EYA4: variants seen among roughly 807,000 people sequenced by gnomAD.
EYA4 encodes the protein EYA transcriptional coactivator and phosphatase 4.
In EYA4, 31 loss-of-function variants were observed where a neutral mutation model predicts 87.9. That is an observed-to-expected ratio of 0.35 (90% confidence interval 0.27 to 0.48). The LOEUF is 0.48. Ranked by LOEUF, EYA4 falls within the 20% of genes least tolerant of loss-of-function variation. The pLI is 0.99. For synonymous variants in EYA4, 263 were observed against 270.6 expected (o/e 0.97, Z 0.28); for missense variants, 678 against 761.4 (o/e 0.89, Z 1.29).
At chr6:133,480,800 T>C (rs1019892072) in intron 11 of EYA4, among the ~76,000 whole-genome samples, 1 of 152,174 alleles carries the variant, frequency 6.6e-6, no homozygotes, top group African/African-American at 2.4e-5. Flanking sequence ...TCACATGGTA[T>C]TTCTGTCATA....
chr6:133,348,526 A>G (rs1015383099), intron 2 of EYA4, among the ~76,000 whole-genome samples: 2 of 151,968 alleles, frequency 1.3e-5, no homozygotes, highest in African/African-American at 4.8e-5. Context: ...CGGCCTCCCA[A>G]AGTGCTGGGA....
chr6:133,312,406 A>G (rs1005840807), intron 2 of EYA4, among the ~76,000 whole-genome samples: 4 of 152,050 alleles, frequency 2.6e-5, no homozygotes, highest in African/African-American at 9.7e-5. Flanking sequence ...ACACACACAC[A>G]CACAGAGATA....
intron 2 of EYA4, among the ~76,000 whole-genome samples, chr6:133,277,535 C>T (rs1039299435): frequency 5.9e-5 from 9 of 152,214 alleles, no homozygotes; most frequent in Non-Finnish European, 1.2e-4. Context: ...GCATATGCCT[C>T]ACTTAGAGTA....
intron 2 of EYA4, among the ~76,000 whole-genome samples, chr6:133,279,172 G>T (rs1022971930): frequency 2.0e-5 from 3 of 151,970 alleles, no homozygotes; most frequent in Non-Finnish European, 4.4e-5. Context: ...GGTTTGAAAA[G>T]AAATATATTT....
intron 13 of EYA4, among the ~76,000 whole-genome samples, chr6:133,503,128 C>CT (rs1260788977): frequency 1.3e-5 from 2 of 152,034 alleles, no homozygotes; most frequent in African/African-American, 2.4e-5. Flanking sequence ...TTGCATTTTG[C>CT]TTTTTTTAAA....
At chr6:133,511,979 TAA>T (rs11355023) in intron 14 of EYA4, among the ~76,000 whole-genome samples, 1 of 142,554 alleles carries the variant, frequency 7.0e-6, no homozygotes, top group Non-Finnish European at 1.5e-5. Context: ...AGATTCCATA[TAA>T]AAAAAAAAAA....
chr6:133,305,556 G>A (rs997927808), intron 2 of EYA4, among the ~76,000 whole-genome samples: 1 of 152,166 alleles, frequency 6.6e-6, no homozygotes, highest in Non-Finnish European at 1.5e-5. Flanking sequence ...AGCAAACAGG[G>A]TTTAATTCTT....
chr6:133,326,283 A>G (rs1466324227), intron 2 of EYA4, among the ~76,000 whole-genome samples: 1 of 152,182 alleles, frequency 6.6e-6, no homozygotes, highest in Non-Finnish European at 1.5e-5. Context: ...GGAGATAGAT[A>G]GATAGTTTGA....
chr6:133,257,932 C>A (rs1049425856), intron 1 of EYA4, among the ~76,000 whole-genome samples: 7 of 152,118 alleles, frequency 4.6e-5, no homozygotes, highest in Non-Finnish European at 8.8e-5. Flanking sequence ...TTAAAAGAAT[C>A]GGTGTTTTTG....
chr6:133,407,496 T>C (rs543572740), intron 3 of EYA4, among the ~76,000 whole-genome samples: 1 of 152,184 alleles, frequency 6.6e-6, no homozygotes, highest in South Asian at 2.1e-4. Context: ...CCCCAGTAGC[T>C]TCACCTTACA....
chr6:133,244,007 A>G (rs1031162348), intron 1 of EYA4, among the ~76,000 whole-genome samples: 1 of 152,162 alleles, frequency 6.6e-6, no homozygotes, highest in Admixed American at 6.5e-5. Flanking sequence ...TCAAAGTTAA[A>G]CCCGTATTTA....
chr6:133,278,487 C>T (rs1362124107), intron 2 of EYA4, among the ~76,000 whole-genome samples: 2 of 152,138 alleles, frequency 1.3e-5, no homozygotes, highest in African/African-American at 4.8e-5. Flanking sequence ...CTTCTTAGCA[C>T]GATTCTTGCC....
chr6:133,252,942 AACACACACACACACAC>A (rs3836960), intron 1 of EYA4, among the ~76,000 whole-genome samples: 1,781 of 138,744 alleles, frequency 0.013, 28 homozygotes, highest in African/African-American at 0.033. Context: ...GGTACTTGAA[AACACACACACACACAC>A]ACACACACAC....
In EYA4 at chr6:133,468,693, A is replaced by G; in HGVS notation, c.932A>G (p.Gln311Arg). 6.2e-7 allele frequency: 1 copy of G among 1,613,122 alleles called. No homozygotes were observed. Among genetic ancestry groups the G allele is most frequent in the South Asian group, 1.1e-5 (1 of 91,064 alleles). ...ACACCCTCTTCAACCTCTACTTATC[A>G]GTTGCAGGAATCTCTCCCAGGACTG... is the stretch of plus-strand genomic sequence containing the variant. ...DGTPSSTSTY[Q>R]LQESLPGLTN... The change falls in exon 11 of 20, where the codon CAG becomes CGG. Residue 311 changes from glutamine to arginine, a missense_variant. By Grantham distance (43) the Gln-to-Arg change is conservative. Transcript: ENST00000355286.
At chr6:133,405,631 C>G (rs534839397) in intron 3 of EYA4, among the ~76,000 whole-genome samples, 2 of 152,186 alleles carry the variant, frequency 1.3e-5, no homozygotes, top group African/African-American at 4.8e-5. Flanking sequence ...TTAGGTGGGG[C>G]TACAGCAAAG....
In EYA4 at chr6:133,529,936, A is replaced by T. The variant is rs1390748165; in HGVS notation, c.*1131A>T. Reference sequence around the variant, plus strand: ...CATGCAAATCATGAGCAATTATCACATAAACTTTTTTAGAATGTGCCATGA... The same window carrying T: ...CATGCAAATCATGAGCAATTATCACTTAAACTTTTTTAGAATGTGCCATGA... On this transcript the variant is annotated 3_prime_UTR_variant, in exon 20 of 20. Coordinates refer to ENST00000355286, the MANE Select transcript of EYA4 (RefSeq NM_004100.5). 1.0e-6 allele frequency: 1 copy of T among 985,274 alleles called. No homozygotes were observed. Among genetic ancestry groups the T allele is most frequent in the African/African-American group, 1.7e-5 (1 of 57,226 alleles). The allele number at this position is 985,274 out of a possible 1,614,324, so 61.0% of individuals were successfully genotyped here. A position where few individuals can be genotyped will look rare whatever the true frequency, so the allele number is the denominator to read the frequency against.
At chr6:133,355,278 G>T (rs138900719) in intron 2 of EYA4, among the ~76,000 whole-genome samples, 4 of 152,030 alleles carry the variant, frequency 2.6e-5, no homozygotes, top group African/African-American at 9.6e-5. Context: ...AGTGCCTGTC[G>T]TTCCCCACTA....
intron 1 of EYA4, among the ~76,000 whole-genome samples, chr6:133,251,915 A>G (rs1172721464): frequency 6.6e-6 from 1 of 152,226 alleles, no homozygotes; most frequent in Admixed American, 6.5e-5. Flanking sequence ...AAGTTTAAAC[A>G]TGAAGTCAAA....
intron 3 of EYA4, among the ~76,000 whole-genome samples, chr6:133,409,076 T>G (rs182324636): frequency 7.2e-5 from 11 of 152,310 alleles, no homozygotes; most frequent in Admixed American, 5.9e-4. Flanking sequence ...CTCTGTTACA[T>G]GGAAAAGTCC....
Sources: allele counts gnomAD v4.1 joint callset (sites outside exome capture counted in the v4.1 genomes callset), GRCh38; gene constraint gnomAD v4.1.1; transcripts MANE v1.5; gene names NCBI Gene and HGNC (gene_info 2026-07-23, HGNC 2026-07-21).